MROH2B: variants seen among roughly 807,000 people sequenced by gnomAD.
MROH2B encodes the protein maestro heat-like repeat-containing protein family member 2B.
A neutral mutation model predicts 208.6 loss-of-function variants in MROH2B; 177 were observed. The observed-to-expected ratio is 0.85, with a 90% CI of 0.75 to 0.96. MROH2B has a LOEUF of 0.96. MROH2B is among the 40% of genes least tolerant of loss of function. The probability of loss-of-function intolerance (pLI) is 0.00; values close to 1 mark genes in which losing one functional copy is unlikely to be tolerated. For missense variants in MROH2B, 2,002 were observed against 1,878.7 expected, an observed-to-expected ratio of 1.07 and a Z score of -1.21; for synonymous variants, 728 against 659.0, an observed-to-expected ratio of 1.10 and a Z score of -1.60.
chr5:41,041,366 C>T (rs1742941004), intron 19 of MROH2B, among the ~76,000 whole-genome samples: 1 of 152,082 alleles, frequency 6.6e-6, no homozygotes, highest in African/African-American at 2.4e-5. Flanking sequence ...GTGGCTCACA[C>T]CTGTAATCCC....
chr5:41,038,866 C>A lies in MROH2B; in HGVS notation c.2084G>T (p.Ser695Ile). 1 of 1,607,768 alleles carries A rather than the reference C, an allele frequency of 6.2e-7. No homozygotes were observed. The part of the protein sequence containing the change: ...RCKSLFSGKK[S>I]LTKTDVMVIY... Reference sequence around the variant, plus strand: ...GACCATGACATCTGTCTTGGTCAGGCTCTTTTTCCCAGAAAAAAGGCTCTG... The same window carrying A: ...GACCATGACATCTGTCTTGGTCAGGATCTTTTTCCCAGAAAAAAGGCTCTG... Residue 695 changes from serine (S) to isoleucine (I), a missense_variant, in exon 21 of 42, where the codon AGC (serine) becomes ATC (isoleucine). Coordinates refer to ENST00000399564, the MANE Select transcript of MROH2B (RefSeq NM_173489.5).
intron 13 of MROH2B, among the ~76,000 whole-genome samples, chr5:41,049,948 T>C (rs1743238260): frequency 6.6e-6 from 1 of 152,226 alleles, no homozygotes; most frequent in Non-Finnish European, 1.5e-5. Flanking sequence ...GTATGTTTTA[T>C]GTCCCTTAGA....
At chr5:41,046,783 C>T (rs372580681) in intron 17 of MROH2B, among the ~76,000 whole-genome samples, 2 of 152,116 alleles carry the variant, frequency 1.3e-5, no homozygotes, top group South Asian at 4.2e-4. Context: ...AGAAGGAAAT[C>T]TGGTAGGAAT....
intron 20 of MROH2B, 37 bp from the exon 21 acceptor site, chr5:41,038,925 TG>T: frequency 1.9e-6 from 3 of 1,564,484 alleles, no homozygotes; most frequent in Non-Finnish European, 1.7e-6. Context: ...AAAATGTGAC[TG>T]AAGGAGTTCT....
rs1205808227 is a variant in MROH2B, at chr5:41,043,266, G to A, written c.1837-1058C>T. ...TTATCTCAACTCCCAGAGTGACAGTGGCCTCAATCAGAGTGAGAATCTGAC... is the reference window on the plus strand; with the variant it reads ...TTATCTCAACTCCCAGAGTGACAGTAGCCTCAATCAGAGTGAGAATCTGAC... On this transcript the variant is annotated intron_variant, in intron 18 of 41. Coordinates refer to ENST00000399564, the MANE Select transcript of MROH2B (RefSeq NM_173489.5). 1.3e-5 allele frequency among the ~76,000 whole-genome samples: 2 copies of A among 152,176 alleles called. 1 individual carries two copies. The highest frequency in any genetic ancestry group is 2.9e-5 in the Non-Finnish European group (2 of 68,036).
chr5:41,045,558 T>A (rs918165032), intron 18 of MROH2B, among the ~76,000 whole-genome samples, 188 bp downstream of exon 18: 1 of 152,124 alleles, frequency 6.6e-6, no homozygotes, highest in African/African-American at 2.4e-5. Context: ...ATGAGTAAAT[T>A]TGGGCTAAAA....
chr5:41,005,418 C>CG (rs1475987937), intron 35 of MROH2B, 113 bp downstream of exon 35: 3 of 196,586 alleles, frequency 1.5e-5, no homozygotes, highest in East Asian at 8.6e-5. Flanking sequence ...ATGAAACCCC[C>CG]CCCCCCCTTG....
At chr5:41,026,320 T>C (rs1222602010) in intron 24 of MROH2B, among the ~76,000 whole-genome samples, 22 of 152,226 alleles carry the variant, frequency 1.4e-4, no homozygotes, top group Admixed American at 1.4e-3. Context: ...CTTAAGCTGA[T>C]AAGCAACTTC....
intron 18 of MROH2B, among the ~76,000 whole-genome samples, chr5:41,042,658 G>A (rs1251081270): frequency 6.6e-6 from 1 of 152,170 alleles, no homozygotes; most frequent in African/African-American, 2.4e-5. Context: ...AGGCTGGAGT[G>A]CAGTGGTGCG....
Position 41,010,031 on chromosome 5 carries a change from G to A in MROH2B, c.3184C>T (p.Gln1062Ter), listed in dbSNP as rs773245319. ...ATGAACTGAAAACTTTCTTCTTTTT[G>A]TCTGAGGACTGGCATGTGATGGTAG... ...TIYHHMPVLRQKEESFQFILE... is the reference protein window; with the variant it reads ...TIYHHMPVLR The change falls in exon 31 of 42, where the codon CAA becomes TAA. Residue 1062 changes from glutamine to a stop codon, truncating the protein, a stop_gained. Transcript: ENST00000399564. LOFTEE classifies it high-confidence loss of function. 2 of 1,613,796 alleles carry A rather than the reference G, an allele frequency of 1.2e-6. No homozygotes were observed. Among genetic ancestry groups the A allele is most frequent in the Admixed American group, 3.3e-5 (2 of 59,990 alleles).
Position 41,017,954 on chromosome 5 carries a change from T to C in MROH2B, c.2780A>G (p.Lys927Arg), listed in dbSNP as rs1331759578. The change falls in exon 28 of 42, where the codon AAA (lysine) becomes AGA (arginine). Residue 927 changes from lysine (K) to arginine (R), a missense_variant. Lys to Arg is a conservative substitution (Grantham distance 26). Transcript: ENST00000399564. ...TNDIEAPENF[K>R]IGSLLGLLAP... Reference sequence around the variant, plus strand: ...CAGAAGTCCAAGCAGTGAACCAATTTTAAAGTTCTCTGGTGCCTGCAGGAT... The same window carrying C: ...CAGAAGTCCAAGCAGTGAACCAATTCTAAAGTTCTCTGGTGCCTGCAGGAT... 6.3e-7 allele frequency: 1 copy of C among 1,576,358 alleles called. No individual in the cohort carries two copies. Among genetic ancestry groups the C allele is most frequent in the Admixed American group, 1.9e-5 (1 of 53,944 alleles).
intron 35 of MROH2B, 88 bp from the exon 36 acceptor site, chr5:41,005,008 A>T: frequency 1.3e-6 from 2 of 1,499,550 alleles, no homozygotes; most frequent in Non-Finnish European, 1.8e-6. Flanking sequence ...GTACAATTAA[A>T]GAGAGGACCC....
chr5:41,042,801 C>T (rs2150172149), intron 18 of MROH2B, among the ~76,000 whole-genome samples: 2 of 152,218 alleles, frequency 1.3e-5, no homozygotes, highest in South Asian at 4.2e-4. Context: ...GACAGGGTTT[C>T]ACCATGTTGG....
chr5:41,052,537 A>T lies in MROH2B; in HGVS notation c.1158T>A (p.Tyr386Ter). The change falls in exon 12 of 42, where the codon TAT becomes TAA. Residue 386 changes from tyrosine to a stop codon, truncating the protein, a stop_gained. Transcript: ENST00000399564. LOFTEE classifies it high-confidence loss of function. ...LLIQTMCEKS[Y>*]IEAREGWPLI... is the part of the protein sequence containing the mutation. The stretch of plus-strand genomic sequence containing the variant: ...ATGGCCATCCTTCCCGAGCTTCAAT[A>T]TAGGACTTTTCACACATGGTTTGGA... The T allele has an allele frequency of 6.2e-7, 1 of 1,612,782 alleles. No homozygotes were observed.
chr5:41,000,407 A>G, intron 38 of MROH2B, 56 bp from the exon 39 acceptor site: 1 of 1,594,958 alleles, frequency 6.3e-7, no homozygotes, highest in South Asian at 1.1e-5. Context: ...TCCTTCCAGA[A>G]GGGAAAAAAT....
At position 41,048,349 on chromosome 5, in the gene MROH2B, T is replaced by G. The variant is rs1579947503; in HGVS notation, c.1659A>C (p.Leu553Phe). The G allele has an allele frequency of 1.2e-6, 2 of 1,613,486 alleles. No individual in the cohort carries two copies. The highest frequency in any genetic ancestry group is 1.7e-6 in the Non-Finnish European group (2 of 1,179,604). The change falls in exon 16 of 42, where the codon TTA becomes TTC. Residue 553 changes from leucine (L) to phenylalanine (F), a missense_variant. Coordinates refer to ENST00000399564, the MANE Select transcript of MROH2B (RefSeq NM_173489.5). ...CTTCCAGAGGCTGCAGAAGCTCAGG[T>G]AAACGTGTTTTCCATAGGTCTACCA... The part of the protein sequence containing the change: ...PKLVDLWKTR[L>F]PELLQPLEGK...
At chr5:41,026,299 C>A (rs529921723) in intron 24 of MROH2B, among the ~76,000 whole-genome samples, 124 of 152,284 alleles carry the variant, frequency 8.1e-4, no homozygotes, top group South Asian at 1.5e-3. Flanking sequence ...ATTGTCTCAG[C>A]CCAAAATCTA....
intron 6 of MROH2B, among the ~76,000 whole-genome samples, chr5:41,058,404 A>G (rs148789637): frequency 2.0e-5 from 3 of 152,278 alleles, no homozygotes; most frequent in Admixed American, 1.3e-4. Flanking sequence ...TTGTATTTAC[A>G]TATGTATTTA....
At chr5:41,066,815 T>C (rs1743827465) in intron 3 of MROH2B, among the ~76,000 whole-genome samples, 1 of 152,238 alleles carries the variant, frequency 6.6e-6, no homozygotes, top group African/African-American at 2.4e-5. Context: ...GTTATGTTAC[T>C]AGTTGTCAAT....
Sources: allele counts gnomAD v4.1 joint callset (sites outside exome capture counted in the v4.1 genomes callset), GRCh38; gene constraint gnomAD v4.1.1; transcripts MANE v1.5; gene names NCBI Gene and HGNC (gene_info 2026-07-23, HGNC 2026-07-21).